Variants in UBR3 observed in about 807,000 individuals in gnomAD.
UBR3 encodes the protein ubiquitin protein ligase E3 component n-recognin 3.
In UBR3, 85 loss-of-function variants were observed where a neutral mutation model predicts 243.2. The ratio of observed to expected loss-of-function variants is 0.35; its 90% confidence interval spans 0.29 to 0.42. The LOEUF (loss-of-function observed/expected upper bound fraction) is 0.42, where lower values mean the gene tolerates loss of function less well. UBR3 is among the 10% of genes least tolerant of loss of function. UBR3 has a pLI of 1.00. For synonymous variants in UBR3, 748 were observed against 799.8 expected, an observed-to-expected ratio of 0.94 and a Z score of 1.09; for missense variants, 1,686 against 2,300.8, an observed-to-expected ratio of 0.73 and a Z score of 5.47.
chr2:169,853,995 G>C (rs982532251), intron 1 of UBR3, among the ~76,000 whole-genome samples: 3 of 151,880 alleles, frequency 2.0e-5, no homozygotes, highest in African/African-American at 7.3e-5. Flanking sequence ...CACAGGGAGG[G>C]GAATATCACA....
rs879660346 is a variant in UBR3, at chr2:170,080,149, G to T, written c.5409+126G>T. The T allele has an allele frequency of 1.5e-5, 14 of 917,184 alleles. No homozygotes were observed. The Admixed American group carries it at 4.4e-4, about 29-fold the overall frequency. The allele number at this position is 917,184 out of a possible 1,614,324, so 56.8% of individuals were successfully genotyped here. On this transcript the variant is annotated intron_variant, in intron 37 of 38. Transcript: ENST00000272793. Reference sequence around the variant, plus strand: ...TATATAATACATATAGGGATTGTGTGTGTTTTTTAATCCAGTAGAAGAGTA... The same window carrying T: ...TATATAATACATATAGGGATTGTGTTTGTTTTTTAATCCAGTAGAAGAGTA...
intron 24 of UBR3, among the ~76,000 whole-genome samples, chr2:169,968,778 A>AG (rs563689929): frequency 2.0e-5 from 3 of 152,162 alleles, no homozygotes; most frequent in Admixed American, 1.3e-4. Flanking sequence ...TGTTTTTCAT[A>AG]GTTGCTATAC....
At chr2:169,836,022 TCTCTC>T (rs1558998417) in intron 1 of UBR3, among the ~76,000 whole-genome samples, 3 of 28,478 alleles carry the variant, frequency 1.1e-4, no homozygotes, top group African/African-American at 3.4e-4. Flanking sequence ...TCTCTCTCTC[TCTCTC>T]TCTCTCTCTC....
intron 1 of UBR3, among the ~76,000 whole-genome samples, chr2:169,850,171 CTTTTTTTTTTTTTT>C (rs56133731): frequency 8.7e-5 from 5 of 57,276 alleles, no homozygotes; most frequent in South Asian, 2.1e-3. Context: ...TGTTCTAGAG[CTTTTTTTTTTTTTT>C]TTTTTTTTTT....
chr2:169,895,079 A>G, intron 6 of UBR3, 102 bp from the exon 7 acceptor site: 1 of 1,109,578 alleles, frequency 9.0e-7, no homozygotes, highest in Non-Finnish European at 1.2e-6. Flanking sequence ...GATATTTTTA[A>G]CTTTTAGATA....
Position 170,082,031 on chromosome 2 carries a change from T to C in UBR3, c.*188T>C. 2.5e-6 allele frequency: 1 copy of C among 403,444 alleles called. No homozygotes were observed. Among genetic ancestry groups the C allele is most frequent in the Non-Finnish European group, 4.4e-6 (1 of 225,924 alleles). 25.0% of individuals were successfully genotyped at this position (403,444 alleles called of 1,614,324 possible). On this transcript the variant is annotated 3_prime_UTR_variant, in exon 39 of 39. Coordinates refer to ENST00000272793, the MANE Select transcript of UBR3 (RefSeq NM_172070.4). Reference sequence around the variant, plus strand: ...ATGGTATAATTTTTTTTTTTTAATATCTGGAGAACATTAATAACAAGTTAA... The same window carrying C: ...ATGGTATAATTTTTTTTTTTTAATACCTGGAGAACATTAATAACAAGTTAA...
At chr2:169,927,639 G>A (rs941937641) in intron 17 of UBR3, among the ~76,000 whole-genome samples, 21 of 151,060 alleles carry the variant, frequency 1.4e-4, no homozygotes. Flanking sequence ...CTTTAGGGTA[G>A]ATTTCAGGAC....
At chr2:169,835,155 A>T (rs897031352) in intron 1 of UBR3, among the ~76,000 whole-genome samples, 2 of 152,160 alleles carry the variant, frequency 1.3e-5, no homozygotes, top group Admixed American at 6.5e-5. Flanking sequence ...TACACTTAAG[A>T]TGTTTTAAAT....
rs577461494 is a variant in UBR3, at chr2:169,832,433, C to A, written c.545+4381C>A. On this transcript the variant is annotated intron_variant, in intron 1 of 38. Transcript: ENST00000272793. ...GGCGTGGTGGTGGGTGCCTGTAGTC[C>A]CAGCTACTCGGGAGGCTGAGGCAGG... 1.1e-4 allele frequency among the ~76,000 whole-genome samples: 17 copies of A among 152,034 alleles called. No homozygotes were observed. In the South Asian group the frequency reaches 3.5e-3, roughly 32 times the overall value.
Position 169,853,488 on chromosome 2 carries a change from T to C in UBR3, c.546-18748T>C, listed in dbSNP as rs550323523. ...TTTTTTGAGGCATAGTCTCACTCTG[T>C]TGCCCAGGCTAGAGTGCAGCGGTGT... On this transcript the variant is annotated intron_variant, in intron 1 of 38. Transcript: ENST00000272793. Among the ~76,000 whole-genome samples the C allele has an allele frequency of 2.6e-5, 4 of 152,050 alleles. No homozygotes were observed. The East Asian group carries it at 7.7e-4, about 29-fold the overall frequency.
In UBR3 at chr2:169,878,881, AT is replaced by A. The variant is rs149305249; in HGVS notation, c.1038+308del. Reference sequence around the variant, plus strand: ...AGGTAGAGATTTCTCCTCAGAGGCTATCCCCAAATTTACCCGTATAGTTGTC... The same window carrying A: ...AGGTAGAGATTTCTCCTCAGAGGCTACCCCAAATTTACCCGTATAGTTGTC... On this transcript the variant is annotated intron_variant, in intron 5 of 38. Transcript: ENST00000272793. Among the ~76,000 whole-genome samples, 306 of 152,312 alleles carry A rather than the reference AT, an allele frequency of 2.0e-3. 1 individual carries two copies. Among genetic ancestry groups the A allele is most frequent in the African/African-American group, 7.2e-3 (298 of 41,586 alleles).
chr2:169,909,651 A>G (rs2085171428), intron 10 of UBR3, among the ~76,000 whole-genome samples: 1 of 152,166 alleles, frequency 6.6e-6, no homozygotes, highest in African/African-American at 2.4e-5. Flanking sequence ...TAGATTTGTA[A>G]TGCTCTCACT....
At chr2:169,973,541 A>G (rs765707042) in intron 24 of UBR3, among the ~76,000 whole-genome samples, 3 of 152,206 alleles carry the variant, frequency 2.0e-5, no homozygotes, top group African/African-American at 4.8e-5. Context: ...TGATTTTTCT[A>G]TGTTAATTTT....
Position 169,857,064 on chromosome 2 carries a change from GTTTTTTT to G in UBR3, c.546-15151_546-15145del, listed in dbSNP as rs770674966. ...ATGATTTCCAGCATAATTTTATTATGTTTTTTTTTTTTTTTTTTTTTTTTTTTGAGAC... is the reference window on the plus strand; with the variant it reads ...ATGATTTCCAGCATAATTTTATTATGTTTTTTTTTTTTTTTTTTTTGAGAC... On this transcript the variant is annotated intron_variant, in intron 1 of 38. Transcript: ENST00000272793. Among the ~76,000 whole-genome samples, 16 of 56,094 alleles carry G rather than the reference GTTTTTTT, an allele frequency of 2.9e-4. 2 individuals carry two copies. The highest frequency in any genetic ancestry group is 9.2e-4 in the South Asian group (1 of 1,086). The allele number at this position is 56,094 out of a possible 152,430, so 36.8% of individuals were successfully genotyped here. A position where few individuals can be genotyped will look rare whatever the true frequency, so the allele number is the denominator to read the frequency against.
At chr2:169,913,869 GACTT>G (rs554221232) in intron 10 of UBR3, among the ~76,000 whole-genome samples, 187 bp from the exon 11 acceptor site, 52 of 151,932 alleles carry the variant, frequency 3.4e-4, no homozygotes, top group Non-Finnish European at 6.3e-4. Flanking sequence ...GAAGCGTATT[GACTT>G]ACTTAATTTT....
chr2:169,871,952 A>G (rs1232008116), intron 1 of UBR3, among the ~76,000 whole-genome samples: 4 of 152,084 alleles, frequency 2.6e-5, no homozygotes, highest in African/African-American at 4.8e-5. Flanking sequence ...CCTGAAAGTA[A>G]TAAATTTCAG....
intron 23 of UBR3, among the ~76,000 whole-genome samples, chr2:169,952,981 T>C (rs2087107794): frequency 6.6e-6 from 1 of 152,150 alleles, no homozygotes; most frequent in Non-Finnish European, 1.5e-5. Flanking sequence ...CAGATCCTTC[T>C]TTCTGTTATA....
At chr2:169,860,709 T>C (rs2083057399) in intron 1 of UBR3, among the ~76,000 whole-genome samples, 1 of 152,200 alleles carries the variant, frequency 6.6e-6, no homozygotes, top group Admixed American at 6.5e-5. Context: ...AAAATAGCCT[T>C]GTATTAGTCA....
intron 24 of UBR3, among the ~76,000 whole-genome samples, chr2:169,965,289 C>T (rs6719223): frequency 0.054 from 8,268 of 152,166 alleles, 408 homozygotes; most frequent in African/African-American, 0.13. Flanking sequence ...TAACCTTAGC[C>T]AGATCCTCTC....
Sources: gnomAD v4.1 joint callset for allele counts (sites outside exome capture counted in the v4.1 genomes callset) on GRCh38, gnomAD v4.1.1 for gene constraint, MANE v1.5 for transcripts, NCBI Gene and HGNC (gene_info 2026-07-23, HGNC 2026-07-21) for gene names.